The following DTNA variants were observed in gnomAD, a reference collection of about 807,000 sequenced individuals.
DTNA encodes dystrophin-related protein 3.
In DTNA, 43 loss-of-function variants were observed where a neutral mutation model predicts 100.7. The ratio of observed to expected loss-of-function variants is 0.43; its 90% CI spans 0.33 to 0.55. The LOEUF (loss-of-function observed/expected upper bound fraction) is 0.55, where lower values mean the gene tolerates loss of function less well. Ranked by LOEUF, DTNA falls within the 20% of genes least tolerant of loss-of-function variation. The pLI, the probability that DTNA is intolerant of heterozygous loss-of-function variation, is 0.04. For synonymous variants in DTNA, 349 were observed against 347.9 expected (o/e 1.00, Z -0.04); for missense variants, 798 against 953.9 (o/e 0.84, Z 2.15).
rs1205910205 is a variant in DTNA, at chr18:34,835,120, A to G, written c.1176-2974A>G. On this transcript the variant is annotated intron_variant, in intron 11 of 22. Coordinates refer to ENST00000444659, the MANE Select transcript of DTNA (RefSeq NM_001386795.1). ...TTTGGCCTCCTCTGTACATAGTCATATTTTTGGCTTCCTGGAAACAGATGA... is the reference window on the plus strand; with the variant it reads ...TTTGGCCTCCTCTGTACATAGTCATGTTTTTGGCTTCCTGGAAACAGATGA... Among the ~76,000 whole-genome samples, 3 of 152,106 alleles carry G rather than the reference A, an allele frequency of 2.0e-5. No homozygotes were observed. The East Asian group carries it at 5.8e-4, about 29-fold the overall frequency.
At position 34,734,815 on chromosome 18, in the gene DTNA, AT is replaced by A. The variant is rs1446519110; in HGVS notation, c.-1-21157del. ...TGAATCAGAAGTGTCAAATGCATTT[AT>A]TTTGCATAACTCTCTAAACAGTTCA... On this transcript the variant is annotated intron_variant, in intron 1 of 22. Transcript: ENST00000444659. Among the ~76,000 whole-genome samples, 10 of 152,240 alleles carry A rather than the reference AT, an allele frequency of 6.6e-5. No homozygotes were observed. In the Middle Eastern group the frequency reaches 0.017, roughly 259 times the overall value.
At chr18:34,869,749 C>G (rs917757782) in intron 17 of DTNA, among the ~76,000 whole-genome samples, 1 of 152,182 alleles carries the variant, frequency 6.6e-6, no homozygotes, top group Non-Finnish European at 1.5e-5. Flanking sequence ...AGGCCGTGCA[C>G]GGTGGCTCAC....
chr18:34,517,251 C>A (rs988873608), intron 1 of DTNA, among the ~76,000 whole-genome samples: 6 of 152,120 alleles, frequency 3.9e-5, no homozygotes, highest in African/African-American at 1.4e-4. Context: ...CTTTAATACT[C>A]TTAAATGCCT....
At chr18:34,600,405 T>C (rs1257658119) in intron 1 of DTNA, among the ~76,000 whole-genome samples, 1 of 152,232 alleles carries the variant, frequency 6.6e-6, no homozygotes. Flanking sequence ...TATTTTTCTT[T>C]TTAAGTCTCA....
intron 1 of DTNA, among the ~76,000 whole-genome samples, chr18:34,528,545 C>T (rs1238885592): frequency 2.0e-5 from 3 of 151,838 alleles, no homozygotes; most frequent in African/African-American, 4.8e-5. Flanking sequence ...GGATATACTC[C>T]GGATAACTGC....
chr18:34,503,245 T>C (rs1201122131), intron 1 of DTNA, among the ~76,000 whole-genome samples: 1 of 151,818 alleles, frequency 6.6e-6, no homozygotes, highest in Admixed American at 6.6e-5. Flanking sequence ...TTATATTTTA[T>C]TTGAGTTCCT....
chr18:34,795,069 T>G (rs2094912235), intron 4 of DTNA, among the ~76,000 whole-genome samples: 1 of 152,192 alleles, frequency 6.6e-6, no homozygotes. Context: ...GCCTCCAACC[T>G]GGACGTAGTA....
intron 21 of DTNA, 150 bp from the exon 22 acceptor site, chr18:34,884,578 G>A: frequency 1.1e-6 from 1 of 890,070 alleles, no homozygotes. Context: ...GCATACGGTT[G>A]TTGGATGGAT....
intron 1 of DTNA, among the ~76,000 whole-genome samples, chr18:34,619,574 C>T (rs1220780411): frequency 6.6e-6 from 1 of 151,996 alleles, no homozygotes; most frequent in Non-Finnish European, 1.5e-5. Flanking sequence ...GATGGGAGGT[C>T]AGGAGGAAAA....
At chr18:34,706,176 G>A (rs1468166522), upstream of DTNA, among the ~76,000 whole-genome samples, 2 of 152,114 alleles carry the variant, frequency 1.3e-5, no homozygotes, top group East Asian at 1.9e-4. Context: ...TTGAACTCCC[G>A]ACCTCAGGTG....
At chr18:34,577,361 G>A (rs951410573) in intron 1 of DTNA, among the ~76,000 whole-genome samples, 6 of 151,830 alleles carry the variant, frequency 4.0e-5, no homozygotes, top group Admixed American at 2.0e-4. Context: ...TATATTTAAA[G>A]CATTTTTTAT....
At chr18:34,784,163 A>G (rs985422642) in intron 3 of DTNA, among the ~76,000 whole-genome samples, 2 of 152,178 alleles carry the variant, frequency 1.3e-5, no homozygotes, top group African/African-American at 4.8e-5. Flanking sequence ...TTCCACCACC[A>G]TACCTCTTAG....
At chr18:34,568,686 C>T (rs1158574414) in intron 1 of DTNA, among the ~76,000 whole-genome samples, 3 of 152,228 alleles carry the variant, frequency 2.0e-5, no homozygotes, top group East Asian at 1.9e-4. Flanking sequence ...TGCAGTGGCA[C>T]GATCTTGGCT....
At chr18:34,836,928 A>G in intron 11 of DTNA, among the ~76,000 whole-genome samples, 1 of 152,062 alleles carries the variant, frequency 6.6e-6, no homozygotes, top group East Asian at 1.9e-4. Context: ...TTATGTATAA[A>G]TTTATATTTT....
chr18:34,494,930 A>G (rs1601060401), intron 1 of DTNA, among the ~76,000 whole-genome samples: 2 of 152,198 alleles, frequency 1.3e-5, no homozygotes, highest in African/African-American at 4.8e-5. Context: ...TGGAAACTTT[A>G]GGAAAAAAGT....
intron 1 of DTNA, among the ~76,000 whole-genome samples, chr18:34,500,425 ATG>A (rs980055375): frequency 6.7e-6 from 1 of 148,742 alleles, no homozygotes; most frequent in Admixed American, 6.8e-5. Flanking sequence ...TATTAATTCT[ATG>A]TGTGTGTGTG....
intron 4 of DTNA, among the ~76,000 whole-genome samples, chr18:34,804,957 C>A (rs1208805615): frequency 6.6e-6 from 1 of 152,104 alleles, no homozygotes; most frequent in African/African-American, 2.4e-5. Flanking sequence ...TTATTTATAT[C>A]TTATTTTTCT....
intron 15 of DTNA, among the ~76,000 whole-genome samples, chr18:34,854,860 C>T (rs767886708): frequency 6.6e-6 from 1 of 152,176 alleles, no homozygotes. Context: ...CTTTAAAATA[C>T]ATTTAAAGTA....
intron 13 of DTNA, among the ~76,000 whole-genome samples, chr18:34,840,452 A>T (rs1189275033): frequency 6.6e-6 from 1 of 150,712 alleles, no homozygotes; most frequent in Non-Finnish European, 1.5e-5. Context: ...TAAGACTATG[A>T]TGCGATCTCA....
Sources: allele counts gnomAD v4.1 joint callset (sites outside exome capture counted in the v4.1 genomes callset), GRCh38; gene constraint gnomAD v4.1.1; transcripts MANE v1.5; gene names NCBI Gene and HGNC (gene_info 2026-07-23, HGNC 2026-07-21).